Variants in TMEM177 observed in about 807,000 individuals in gnomAD.
TMEM177 encodes transmembrane protein 177.
A neutral mutation model predicts 14.2 loss-of-function variants in TMEM177; 4 were observed. The observed-to-expected ratio is 0.28, with a 90% CI of 0.14 to 0.64. The LOEUF (loss-of-function observed/expected upper bound fraction) is 0.64. Ranked by LOEUF, TMEM177 falls within the 30% of genes least tolerant of loss-of-function variation. The pLI is 0.82. For missense variants in TMEM177, 344 were observed against 405.2 expected (o/e 0.85, Z 1.30); for synonymous variants, 179 against 174.5 (o/e 1.03, Z -0.20).
chr2:119,708,644 G>GGC, the TMEM177 span, among the ~76,000 whole-genome samples: 1 of 146,734 alleles, frequency 6.8e-6, no homozygotes, highest in Non-Finnish European at 1.5e-5. Flanking sequence ...ATCACACGCA[G>GGC]ACACACACAC....
downstream of TMEM177, chr2:119,686,491 G>A (rs757466193): frequency 6.6e-6 from 1 of 152,354 alleles, no homozygotes; most frequent in Non-Finnish European, 1.5e-5. Flanking sequence ...TGAAAGCAGA[G>A]GACACATGTG....
At chr2:119,689,143 C>A (rs141178868), downstream of TMEM177, among the ~76,000 whole-genome samples, 8 of 152,304 alleles carry the variant, frequency 5.3e-5, no homozygotes, top group Middle Eastern at 0.017. Flanking sequence ...CCTTCACAGG[C>A]GGTTCCCCCA....
chr2:119,720,511 C>T, the TMEM177 span, among the ~76,000 whole-genome samples: 1 of 152,134 alleles, frequency 6.6e-6, no homozygotes, highest in Non-Finnish European at 1.5e-5. Flanking sequence ...CTCAGATGAT[C>T]CGCCCACCTC....
chr2:119,692,664 C>T, the TMEM177 span, among the ~76,000 whole-genome samples: 1 of 152,228 alleles, frequency 6.6e-6, no homozygotes, highest in Non-Finnish European at 1.5e-5. Flanking sequence ...ATTCAGCCAC[C>T]ATGAATCCTT....
the TMEM177 span, among the ~76,000 whole-genome samples, chr2:119,696,848 G>T: frequency 6.6e-6 from 1 of 152,152 alleles, no homozygotes. Flanking sequence ...AAGTGGAAAT[G>T]ACGTTGGGGA....
the TMEM177 span, among the ~76,000 whole-genome samples, chr2:119,709,597 G>A: frequency 1.2e-4 from 19 of 152,160 alleles, no homozygotes; most frequent in Admixed American, 2.6e-4. Context: ...CAAGATGGGC[G>A]GATCACGAGG....
At chr2:119,705,990 A>ATATATATTATATATTATATATTATATAT in the TMEM177 span, among the ~76,000 whole-genome samples, 1 of 14,606 alleles carries the variant, frequency 6.8e-5, no homozygotes, top group Non-Finnish European at 2.5e-4. Flanking sequence ...CTCTCTATAT[A>ATATATATTATATATTATATATTATATAT]TATATATTAT....
the TMEM177 span, among the ~76,000 whole-genome samples, chr2:119,710,754 C>A: frequency 6.6e-6 from 1 of 152,092 alleles, no homozygotes; most frequent in East Asian, 1.9e-4. Context: ...GGACTACAGG[C>A]GCCCCCACCA....
the TMEM177 span, among the ~76,000 whole-genome samples, chr2:119,716,319 G>A: frequency 6.6e-6 from 1 of 152,188 alleles, no homozygotes; most frequent in Non-Finnish European, 1.5e-5. Context: ...CCCCAGACCC[G>A]AAAGCACTGC....
chr2:119,710,485 T>C, the TMEM177 span, among the ~76,000 whole-genome samples: 2 of 152,164 alleles, frequency 1.3e-5, no homozygotes, highest in African/African-American at 4.8e-5. Context: ...TCCTGGCCTG[T>C]CTACCGGCAT....
chr2:119,680,749 A>G, intron 1 of TMEM177, 83 bp from the exon 2 acceptor site: 2 of 1,128,000 alleles, frequency 1.8e-6, no homozygotes, highest in East Asian at 2.6e-5. Context: ...CTTTGGTTTA[A>G]AAAGGTGGTG....
the TMEM177 span, among the ~76,000 whole-genome samples, chr2:119,702,240 G>A: frequency 6.6e-6 from 1 of 152,254 alleles, no homozygotes. Context: ...TTAGAAGCAA[G>A]ATGGAGTCGG....
the TMEM177 span, among the ~76,000 whole-genome samples, chr2:119,716,002 G>A: frequency 6.6e-6 from 1 of 152,254 alleles, no homozygotes; most frequent in East Asian, 1.9e-4. Flanking sequence ...TGACAGAGTG[G>A]ACTGGGCATC....
chr2:119,719,211 C>T, the TMEM177 span, among the ~76,000 whole-genome samples: 7 of 152,224 alleles, frequency 4.6e-5, no homozygotes. Flanking sequence ...TCACTACCCT[C>T]ATCCACCTCC....
At chr2:119,684,007 G>T (rs180768552), downstream of TMEM177, among the ~76,000 whole-genome samples, 5 of 151,708 alleles carry the variant, frequency 3.3e-5, no homozygotes, top group Non-Finnish European at 7.4e-5. Flanking sequence ...ATCTCCACTG[G>T]GCCTCCTGAC....
downstream of TMEM177, among the ~76,000 whole-genome samples, chr2:119,690,617 G>C (rs554668712): frequency 2.6e-5 from 4 of 152,288 alleles, no homozygotes; most frequent in South Asian, 2.1e-4. Context: ...TGGAGAGAGG[G>C]AGGGAGCCGG....
the TMEM177 span, among the ~76,000 whole-genome samples, chr2:119,715,939 G>A: frequency 6.6e-6 from 1 of 152,214 alleles, no homozygotes; most frequent in South Asian, 2.1e-4. Flanking sequence ...ACCCACAAGT[G>A]CAGTGACCCA....
the TMEM177 span, among the ~76,000 whole-genome samples, chr2:119,708,676 TAC>T: frequency 0.05 from 4,443 of 88,446 alleles, 117 homozygotes; most frequent in African/African-American, 0.14. Flanking sequence ...CACACACACA[TAC>T]ACACACACAC....
At chr2:119,693,865 C>CAA in the TMEM177 span, among the ~76,000 whole-genome samples, 1 of 2,704 alleles carries the variant, frequency 3.7e-4, no homozygotes, top group Non-Finnish European at 7.8e-4. Context: ...ACATCACATG[C>CAA]CACAAACACA....
Sources: allele counts gnomAD v4.1 joint callset (sites outside exome capture counted in the v4.1 genomes callset), GRCh38; gene constraint gnomAD v4.1.1; transcripts MANE v1.5; gene names NCBI Gene and HGNC (gene_info 2026-07-23, HGNC 2026-07-21).